The following AMPH variants were observed in gnomAD, a reference collection of about 807,000 sequenced individuals.
AMPH encodes amphiphysin (Stiff-Mann syndrome with breast cancer 128kD autoantigen).
In AMPH, 49 loss-of-function variants were observed where a neutral mutation model predicts 99.1. The observed-to-expected ratio is 0.49, with a 90% confidence interval of 0.39 to 0.63. The LOEUF (loss-of-function observed/expected upper bound fraction) is 0.63. AMPH is among the 20% of genes least tolerant of loss of function. AMPH has a pLI of 0.00. For missense variants in AMPH, 759 were observed against 863.4 expected (o/e 0.88, Z 1.52); for synonymous variants, 314 against 317.3 (o/e 0.99, Z 0.11).
At chr7:38,556,567 C>T (rs1316555289) in intron 1 of AMPH, among the ~76,000 whole-genome samples, 6 of 152,098 alleles carry the variant, frequency 3.9e-5, no homozygotes, top group African/African-American at 9.7e-5. Context: ...TAACTGGGGG[C>T]GACTCAGGCA....
At chr7:38,465,398 G>A (rs1405102310) in intron 9 of AMPH, 69 bp downstream of exon 9, 8 of 1,344,806 alleles carry the variant, frequency 5.9e-6, no homozygotes, top group Non-Finnish European at 8.3e-6. Flanking sequence ...AATAGTACAG[G>A]CTGGTCCACA....
intron 2 of AMPH, among the ~76,000 whole-genome samples, chr7:38,510,495 T>A (rs1014832873): frequency 6.6e-6 from 1 of 152,202 alleles, no homozygotes; most frequent in African/African-American, 2.4e-5. Flanking sequence ...ACCTACTGAG[T>A]GGCCACTTTG....
chr7:38,454,134 T>C (rs1000262183), intron 11 of AMPH, among the ~76,000 whole-genome samples: 4 of 152,194 alleles, frequency 2.6e-5, no homozygotes, highest in South Asian at 2.1e-4. Context: ...AAACTCAGCA[T>C]CTTATGCATA....
At chr7:38,420,970 C>A (rs901907886) in intron 16 of AMPH, 1 of 456,598 alleles carries the variant, frequency 2.2e-6, no homozygotes, top group Admixed American at 2.3e-5. Flanking sequence ...CTGGGAAGAT[C>A]GTGTACAATC....
chr7:38,534,846 T>A (rs187212119), intron 2 of AMPH, 85 bp downstream of exon 2: 3 of 1,183,602 alleles, frequency 2.5e-6, no homozygotes, highest in African/African-American at 1.5e-5. Flanking sequence ...AGTCTTTTTT[T>A]AATCTTAATG....
At chr7:38,610,367 A>AAAG (rs1793628971) in intron 1 of AMPH, among the ~76,000 whole-genome samples, 7 of 50,138 alleles carry the variant, frequency 1.4e-4, no homozygotes, top group African/African-American at 6.1e-4. Context: ...AGAAAAGAAA[A>AAAG]GAAAAGAAAG....
At position 38,406,722 on chromosome 7, in the gene AMPH, CTCCCTTTCCCTCT is replaced by C. The variant is rs1562732356; in HGVS notation, c.1398+11090_1398+11102del. On this transcript the variant is annotated intron_variant, in intron 17 of 20. Coordinates refer to ENST00000356264, the MANE Select transcript of AMPH (RefSeq NM_001635.4). ...GAGTTCTCTCTCCTCTCCTCTCTCT[CTCCCTTTCCCTCT>C]CTCTCTCTCTCTCTCTCTCTCTCTC... Among the ~76,000 whole-genome samples, 57 of 109,830 alleles carry C rather than the reference CTCCCTTTCCCTCT, an allele frequency of 5.2e-4. 2 individuals carry two copies. Among genetic ancestry groups the C allele is most frequent in the East Asian group, 2.8e-3 (8 of 2,820 alleles). 72.1% of individuals were successfully genotyped at this position (109,830 alleles called of 152,430 possible).
chr7:38,509,817 C>A (rs1018326567), intron 2 of AMPH, among the ~76,000 whole-genome samples: 4 of 152,134 alleles, frequency 2.6e-5, no homozygotes, highest in African/African-American at 9.7e-5. Context: ...TTAAAGGAGC[C>A]CCACTTCCAG....
chr7:38,399,551 A>AT (rs894082238), intron 17 of AMPH, among the ~76,000 whole-genome samples: 1 of 152,200 alleles, frequency 6.6e-6, no homozygotes, highest in Non-Finnish European at 1.5e-5. Flanking sequence ...TATACCTCTT[A>AT]TTATTATTGT....
At chr7:38,396,960 T>C (rs1211804748) in intron 17 of AMPH, among the ~76,000 whole-genome samples, 1 of 152,174 alleles carries the variant, frequency 6.6e-6, no homozygotes, top group Non-Finnish European at 1.5e-5. Context: ...AGAAAATAAG[T>C]TGTGTCATGA....
intron 2 of AMPH, among the ~76,000 whole-genome samples, chr7:38,514,245 A>T (rs1055443837): frequency 6.6e-6 from 1 of 152,218 alleles, no homozygotes; most frequent in Non-Finnish European, 1.5e-5. Flanking sequence ...CCTGGCATGC[A>T]GAACACACTC....
chr7:38,524,767 G>C (rs1790098414), intron 2 of AMPH, among the ~76,000 whole-genome samples: 1 of 152,086 alleles, frequency 6.6e-6, no homozygotes, highest in Non-Finnish European at 1.5e-5. Context: ...ATAAAATTGG[G>C]AACTTTTATT....
chr7:38,416,102 A>AATAT (rs5883648), intron 17 of AMPH, among the ~76,000 whole-genome samples: 2,000 of 100,456 alleles, frequency 0.02, 158 homozygotes, highest in African/African-American at 0.044. Flanking sequence ...CAAACATATG[A>AATAT]ATATATATAT....
In AMPH at chr7:38,626,867, T is replaced by C. The variant is rs147339806; in HGVS notation, c.69+4416A>G. 7.6e-3 allele frequency among the ~76,000 whole-genome samples: 1,136 copies of C among 150,248 alleles called. 15 individuals carry two copies. The highest frequency in any genetic ancestry group is 0.026 in the African/African-American group (1,042 of 40,632). On this transcript the variant is annotated intron_variant, in intron 1 of 20. Transcript: ENST00000356264. ...CCCATCAAAAAGTAGGCGAAGGATA[T>C]ACAGTTTTTCATGATAAGCTTTTTA... is the stretch of plus-strand genomic sequence containing the variant.
At chr7:38,629,395 G>A (rs980359754) in intron 1 of AMPH, among the ~76,000 whole-genome samples, 2 of 152,084 alleles carry the variant, frequency 1.3e-5, no homozygotes, top group Non-Finnish European at 2.9e-5. Flanking sequence ...AAAATAGGAC[G>A]CTTGAAACCC....
chr7:38,490,222 T>C (rs1436632504), intron 5 of AMPH, among the ~76,000 whole-genome samples: 1 of 152,156 alleles, frequency 6.6e-6, no homozygotes, highest in Non-Finnish European at 1.5e-5. Flanking sequence ...ACCTGTTAAT[T>C]AGGTTGCATT....
At position 38,589,584 on chromosome 7, in the gene AMPH, G is replaced by A. The variant is rs553568319; in HGVS notation, c.69+41699C>T. ...GTCACATAAAATGTCATGTATTCTT[G>A]CCACTAGTTATTTCATCACAACAAT... On this transcript the variant is annotated intron_variant, in intron 1 of 20. Transcript: ENST00000356264. Among the ~76,000 whole-genome samples, 21 of 152,242 alleles carry A rather than the reference G, an allele frequency of 1.4e-4. No individual in the cohort carries two copies. In the South Asian group the frequency reaches 2.3e-3, roughly 17 times the overall value.
At chr7:38,401,915 CT>C (rs149569192) in intron 17 of AMPH, among the ~76,000 whole-genome samples, 3,605 of 152,068 alleles carry the variant, frequency 0.024, 136 homozygotes, top group African/African-American at 0.082. Context: ...CTTATAGTCT[CT>C]TCTTCAGGAT....
chr7:38,491,016 C>A, intron 5 of AMPH, 34 bp downstream of exon 5: 1 of 1,427,394 alleles, frequency 7.0e-7, no homozygotes, highest in South Asian at 1.2e-5. Context: ...TGACCCCACT[C>A]AATCCTTCCC....
Sources: allele counts gnomAD v4.1 joint callset (sites outside exome capture counted in the v4.1 genomes callset), GRCh38; gene constraint gnomAD v4.1.1; transcripts MANE v1.5; gene names NCBI Gene and HGNC (gene_info 2026-07-23, HGNC 2026-07-21).